The following ZNF215 variants were observed in gnomAD, a reference collection of about 807,000 sequenced individuals.
ZNF215 encodes BWSCR2-associated zinc finger protein 2.
Under a neutral mutation model 27.2 loss-of-function variants are expected in ZNF215, and 24 were observed. That is an observed-to-expected ratio of 0.88 (90% CI 0.64 to 1.24). ZNF215 has a LOEUF of 1.24. Ranked by LOEUF, ZNF215 falls within the 50% of genes most tolerant of loss-of-function variation. ZNF215 has a pLI of 0.00. For synonymous variants in ZNF215, 210 were observed against 204.0 expected (o/e 1.03, Z -0.25); for missense variants, 675 against 605.7 (o/e 1.11, Z -1.20).
chr11:6,972,637 C>G (rs1195988074), intron 5 of ZNF215, among the ~76,000 whole-genome samples: 1 of 152,082 alleles, frequency 6.6e-6, no homozygotes, highest in African/African-American at 2.4e-5. Context: ...CTTTTACTTT[C>G]ATAAATACCA....
At chr11:6,984,168 A>T (rs1402179934) in exon 6 of ZNF215, 2 of 382,336 alleles carry the variant, frequency 5.2e-6, no homozygotes, top group Non-Finnish European at 1.0e-5. Context: ...GAGTATAATG[A>T]TGCAGTCTCG....
At chr11:6,941,996 GAC>G (rs1849647219) in intron 4 of ZNF215, among the ~76,000 whole-genome samples, 1 of 152,118 alleles carries the variant, frequency 6.6e-6, no homozygotes, top group African/African-American at 2.4e-5. Context: ...ATACTAAAAA[GAC>G]AGGACCAAAA....
intron 5 of ZNF215, among the ~76,000 whole-genome samples, chr11:6,982,244 C>T (rs1850969574): frequency 6.6e-6 from 1 of 151,794 alleles, no homozygotes; most frequent in African/African-American, 2.4e-5. Flanking sequence ...CAGGAGCACC[C>T]AGATTCATAA....
chr11:6,931,971 G>A (rs1348963052), intron 2 of ZNF215, 123 bp from the exon 3 acceptor site: 3 of 238,568 alleles, frequency 1.3e-5, no homozygotes, highest in Non-Finnish European at 2.4e-5. Flanking sequence ...TTCTAAGAAA[G>A]GAAAATAAAA....
At chr11:6,972,619 T>A (rs566033813) in intron 5 of ZNF215, among the ~76,000 whole-genome samples, 10 of 152,276 alleles carry the variant, frequency 6.6e-5, no homozygotes, top group Non-Finnish European at 1.2e-4. Context: ...TAAATTAGAG[T>A]GGAAGATCTT....
chr11:6,955,443 T>G lies in ZNF215; in HGVS notation c.713-247T>G, dbSNP rs113860387. ...ACCCGCATCCTTGTTCATGTAAAGA[T>G]ATTTTACTCGAGCCCTATACCGTTT... On this transcript the variant is annotated intron_variant, in intron 6 of 6. Coordinates refer to ENST00000278319, the MANE Select transcript of ZNF215 (RefSeq NM_013250.4). Among the ~76,000 whole-genome samples the G allele has an allele frequency of 3.8e-3, 580 of 152,348 alleles. 6 individuals carry two copies. The highest frequency in any genetic ancestry group is 0.013 in the African/African-American group (554 of 41,578).
intron 6 of ZNF215, among the ~76,000 whole-genome samples, chr11:6,948,974 C>G (rs1415595208): frequency 6.8e-5 from 10 of 146,750 alleles, no homozygotes; most frequent in Admixed American, 1.4e-4. Context: ...GTTCAATTCC[C>G]ACCTATGAGT....
chr11:6,955,381 C>G (rs1283289219), intron 6 of ZNF215, among the ~76,000 whole-genome samples: 1 of 152,176 alleles, frequency 6.6e-6, no homozygotes, highest in Admixed American at 6.5e-5. Flanking sequence ...ACACTAGTTA[C>G]GAACCAGTGA....
intron 5 of ZNF215, among the ~76,000 whole-genome samples, chr11:6,977,366 A>T (rs969652): frequency 6.6e-6 from 1 of 151,918 alleles, no homozygotes; most frequent in East Asian, 1.9e-4. Context: ...ACTGTTAGTC[A>T]CTTAGCAGTT....
At chr11:6,990,674 CT>C (rs1851105566), downstream of ZNF215, among the ~76,000 whole-genome samples, 1 of 152,186 alleles carries the variant, frequency 6.6e-6, no homozygotes, top group African/African-American at 2.4e-5. Context: ...TTAAGAATGT[CT>C]TTCTGTTGTC....
intron 4 of ZNF215, 45 bp downstream of exon 4, chr11:6,941,698 T>A: frequency 6.3e-7 from 1 of 1,588,850 alleles, no homozygotes; most frequent in Non-Finnish European, 8.6e-7. Flanking sequence ...TGCTCATTTT[T>A]AGTATTACCT....
chr11:6,951,984 G>T (rs575926516), intron 6 of ZNF215, among the ~76,000 whole-genome samples: 2 of 152,146 alleles, frequency 1.3e-5, no homozygotes, highest in South Asian at 2.1e-4. Flanking sequence ...CCTTCATTTC[G>T]TTATGCACCC....
At chr11:6,931,583 C>T (rs1416556692) in intron 2 of ZNF215, among the ~76,000 whole-genome samples, 1 of 152,142 alleles carries the variant, frequency 6.6e-6, no homozygotes, top group Non-Finnish European at 1.5e-5. Flanking sequence ...GTCTGGGAAT[C>T]CACTTTTTGA....
chr11:6,950,768 T>C (rs1850022937), intron 6 of ZNF215, among the ~76,000 whole-genome samples: 1 of 148,826 alleles, frequency 6.7e-6, no homozygotes, highest in African/African-American at 2.5e-5. Context: ...TCCAACACTA[T>C]GTTGAATAGG....
chr11:6,960,786 C>T (rs1468328415), downstream of ZNF215, among the ~76,000 whole-genome samples: 1 of 152,110 alleles, frequency 6.6e-6, no homozygotes, highest in Non-Finnish European at 1.5e-5. Flanking sequence ...TCATCTCCAG[C>T]CTTCAGAAAA....
chr11:6,976,219 G>C (rs1332760606), intron 5 of ZNF215, among the ~76,000 whole-genome samples: 1 of 151,906 alleles, frequency 6.6e-6, no homozygotes, highest in Non-Finnish European at 1.5e-5. Context: ...AGTTGTTTGA[G>C]CTCCTTAAAA....
downstream of ZNF215, among the ~76,000 whole-genome samples, chr11:6,960,399 G>T (rs1353076200): frequency 6.6e-6 from 1 of 152,126 alleles, no homozygotes; most frequent in Non-Finnish European, 1.5e-5. Context: ...GGGAGTTGAA[G>T]AAAAGACCAG....
rs762793334 is a variant in ZNF215 at position 6,956,529 on chromosome 11, T to C, written c.1552T>C (p.Ter518ArgextTer5). ...HQKLHTRDKS[*>R] ...AAAACTGCATACTCGAGATAAGTCC[T>C]GAAAAAAGAAAAAATGAAAGATTAC... The change falls in exon 7 of 7, where the codon TGA (stop) becomes CGA (arginine). Residue 518 changes from the stop codon to arginine, a stop_lost. Coordinates refer to ENST00000278319, the MANE Select transcript of ZNF215 (RefSeq NM_013250.4). 1.3e-6 allele frequency: 2 copies of C among 1,558,480 alleles called. No individual in the cohort carries two copies. Among genetic ancestry groups the C allele is most frequent in the South Asian group, 1.2e-5 (1 of 82,268 alleles).
At chr11:6,935,586 A>G (rs372316673) in intron 3 of ZNF215, among the ~76,000 whole-genome samples, 34 of 152,334 alleles carry the variant, frequency 2.2e-4, no homozygotes, top group East Asian at 1.7e-3. Context: ...CAAATACAGA[A>G]GTGAAAGAGA....
Sources: gnomAD v4.1 joint callset for allele counts (sites outside exome capture counted in the v4.1 genomes callset) on GRCh38, gnomAD v4.1.1 for gene constraint, MANE v1.5 for transcripts, NCBI Gene and HGNC (gene_info 2026-07-23, HGNC 2026-07-21) for gene names.